The following CRACDL variants were observed in gnomAD, a reference collection of about 807,000 sequenced individuals.
CRACDL encodes the protein CRACD-like protein.
In CRACDL, 26 loss-of-function variants were observed where a neutral mutation model predicts 70.6. The observed-to-expected ratio is 0.37, with a 90% CI of 0.27 to 0.51. The LOEUF is 0.51. Ranked by LOEUF, CRACDL falls within the 20% of genes least tolerant of loss-of-function variation. The probability of loss-of-function intolerance (pLI) is 0.94; values close to 1 mark genes in which losing one functional copy is unlikely to be tolerated. For synonymous variants in CRACDL, 618 were observed against 615.2 expected (o/e 1.00, Z -0.07); for missense variants, 1,283 against 1,376.9 (o/e 0.93, Z 1.08).
intron 1 of CRACDL, among the ~76,000 whole-genome samples, chr2:98,858,537 A>T (rs1460682734): frequency 6.6e-6 from 1 of 151,238 alleles, no homozygotes; most frequent in East Asian, 1.9e-4. Context: ...AAAAAAGAAG[A>T]AGAAAAATCT....
chr2:98,863,015 A>ATATGTTTATG (rs1491195345), intron 1 of CRACDL, among the ~76,000 whole-genome samples: 1 of 152,018 alleles, frequency 6.6e-6, no homozygotes, highest in African/African-American at 2.4e-5. Context: ...ATACACACAC[A>ATATGTTTATG]TATGTTTATG....
At chr2:98,795,077 A>ATATATATATT in intron 9 of CRACDL, among the ~76,000 whole-genome samples, 3 of 58,484 alleles carry the variant, frequency 5.1e-5, no homozygotes, top group African/African-American at 1.3e-4. Flanking sequence ...ATATATATAT[A>ATATATATATT]TTTTTTTTTT....
intron 1 of CRACDL, among the ~76,000 whole-genome samples, chr2:98,852,864 T>C (rs1706534666): frequency 6.7e-6 from 1 of 150,172 alleles, no homozygotes; most frequent in Non-Finnish European, 1.5e-5. Context: ...TGGTCTAACA[T>C]ATATTTAATT....
At chr2:98,884,582 G>GT in intron 1 of CRACDL, among the ~76,000 whole-genome samples, 1 of 152,208 alleles carries the variant, frequency 6.6e-6, no homozygotes, top group East Asian at 1.9e-4. Context: ...AAATTCACGT[G>GT]TTGAAACCTA....
At chr2:98,891,376 C>CAAAAAAAAAAA (rs548988640) in intron 1 of CRACDL, among the ~76,000 whole-genome samples, 961 of 37,884 alleles carry the variant, frequency 0.025, 167 homozygotes, top group African/African-American at 0.065. Context: ...GACTCCGTCT[C>CAAAAAAAAAAA]AAAAAAAAAA....
chr2:98,827,213 G>C (rs367683332), intron 5 of CRACDL, 44 bp from the exon 6 acceptor site: 3 of 1,431,418 alleles, frequency 2.1e-6, no homozygotes, highest in East Asian at 2.3e-5. Flanking sequence ...GAACTTCACC[G>C]TGTGAAATAA....
At chr2:98,797,568 C>T in intron 7 of CRACDL, 31 bp from the exon 8 acceptor site, 1 of 1,603,364 alleles carries the variant, frequency 6.2e-7, no homozygotes, top group East Asian at 2.2e-5. Flanking sequence ...ATTATAGAAA[C>T]AGTCCTATTC....
chr2:98,901,759 C>A (rs1475511452), intron 1 of CRACDL, among the ~76,000 whole-genome samples: 2 of 152,124 alleles, frequency 1.3e-5, no homozygotes, highest in Non-Finnish European at 2.9e-5. Context: ...AGTGAACCCC[C>A]CTGGGTGTGC....
intron 1 of CRACDL, among the ~76,000 whole-genome samples, chr2:98,879,558 T>G (rs1189928586): frequency 1.3e-5 from 2 of 152,218 alleles, no homozygotes; most frequent in African/African-American, 4.8e-5. Context: ...TTTATTATTA[T>G]GTTTCTCAGA....
At chr2:98,872,801 C>T (rs923210177) in intron 1 of CRACDL, among the ~76,000 whole-genome samples, 1 of 152,072 alleles carries the variant, frequency 6.6e-6, no homozygotes, top group African/African-American at 2.4e-5. Flanking sequence ...AGTAAGAACC[C>T]GTTTTTATTT....
intron 1 of CRACDL, among the ~76,000 whole-genome samples, chr2:98,871,376 ACCAG>A (rs984248780): frequency 5.9e-5 from 9 of 152,314 alleles, no homozygotes; most frequent in South Asian, 2.1e-4. Flanking sequence ...AAGGCTCACA[ACCAG>A]CTATGAGTTA....
chr2:98,895,320 G>A (rs544041797), intron 1 of CRACDL, among the ~76,000 whole-genome samples: 5 of 152,332 alleles, frequency 3.3e-5, no homozygotes, highest in Non-Finnish European at 5.9e-5. Flanking sequence ...TTGGGCAGGT[G>A]CTGGGATAGA....
At chr2:98,807,518 A>G (rs1056500562) in intron 7 of CRACDL, among the ~76,000 whole-genome samples, 3 of 152,188 alleles carry the variant, frequency 2.0e-5, no homozygotes, top group Admixed American at 2.0e-4. Context: ...GCTGGGGCCC[A>G]TGCCTGCCCC....
chr2:98,812,103 G>A (rs1403101852), intron 7 of CRACDL, among the ~76,000 whole-genome samples: 1 of 152,206 alleles, frequency 6.6e-6, no homozygotes, highest in African/African-American at 2.4e-5. Flanking sequence ...AGCCTCCCAA[G>A]TTGCTGGGAC....
chr2:98,810,461 G>GA (rs1289076362), intron 7 of CRACDL, among the ~76,000 whole-genome samples: 13 of 152,202 alleles, frequency 8.5e-5, no homozygotes, highest in Non-Finnish European at 1.6e-4. Context: ...AGGGTAAGAA[G>GA]AGAGTTGGAG....
intron 1 of CRACDL, among the ~76,000 whole-genome samples, chr2:98,861,435 G>T (rs180780047): frequency 6.6e-6 from 1 of 152,232 alleles, no homozygotes; most frequent in Non-Finnish European, 1.5e-5. Context: ...AATAACAAGC[G>T]TTGCAAGGAT....
intron 1 of CRACDL, among the ~76,000 whole-genome samples, chr2:98,861,628 C>T (rs768801770): frequency 5.3e-5 from 8 of 152,224 alleles, no homozygotes; most frequent in South Asian, 2.1e-4. Flanking sequence ...TCTGAGAAAA[C>T]GTTAGTATAG....
intron 1 of CRACDL, among the ~76,000 whole-genome samples, chr2:98,863,287 C>T (rs1467439930): frequency 6.6e-6 from 1 of 152,086 alleles, no homozygotes; most frequent in Non-Finnish European, 1.5e-5. Flanking sequence ...AGCATGAGTC[C>T]TATAACTGGC....
At chr2:98,873,562 T>C (rs990611526) in intron 1 of CRACDL, among the ~76,000 whole-genome samples, 1 of 152,244 alleles carries the variant, frequency 6.6e-6, no homozygotes, top group Non-Finnish European at 1.5e-5. Context: ...CCTCTGGGCC[T>C]GCCAGGAAAT....
Sources: allele counts gnomAD v4.1 joint callset (sites outside exome capture counted in the v4.1 genomes callset), GRCh38; gene constraint gnomAD v4.1.1; transcripts MANE v1.5; gene names NCBI Gene and HGNC (gene_info 2026-07-23, HGNC 2026-07-21).